Variants in PCDH15 observed in about 807,000 individuals in gnomAD.
PCDH15 encodes protocadherin related 15.
Under a neutral mutation model 178.5 loss-of-function variants are expected in PCDH15, and 129 were observed. The observed-to-expected ratio is 0.72, with a 90% CI of 0.63 to 0.84. PCDH15 has a LOEUF of 0.84. PCDH15 is among the 40% of genes least tolerant of loss of function. The probability of loss-of-function intolerance (pLI) is 0.00; values close to 1 mark genes in which losing one functional copy is unlikely to be tolerated. For synonymous variants in PCDH15, 800 were observed against 732.0 expected (o/e 1.09, Z -1.50); for missense variants, 2,230 against 2,099.9 (o/e 1.06, Z -1.21).
intron 2 of PCDH15, among the ~76,000 whole-genome samples, chr10:55,452,982 A>G (rs1371521791): frequency 1.3e-5 from 2 of 152,330 alleles, no homozygotes; most frequent in East Asian, 3.9e-4. Flanking sequence ...AAGGGCTTTA[A>G]GAATATAAAG....
chr10:54,524,390 C>T (rs2083181038), intron 3 of PCDH15, among the ~76,000 whole-genome samples: 1 of 152,214 alleles, frequency 6.6e-6, no homozygotes, highest in Non-Finnish European at 1.5e-5. Flanking sequence ...TTTTCTCCTT[C>T]TCTTTACGTA....
At position 55,138,426 on chromosome 10, in the gene PCDH15, C is replaced by T. The variant is rs376627824; in HGVS notation, c.-80+28150G>A. Among the ~76,000 whole-genome samples, 4 of 152,048 alleles carry T rather than the reference C, an allele frequency of 2.6e-5. No homozygotes were observed. In the East Asian group the frequency reaches 7.7e-4, roughly 29 times the overall value. ...TTATTTGCAACTCTAATAGAGTATT[C>T]TTGAAGTAATTCCTGTGGCAATCTT... On this transcript the variant is annotated intron_variant, in intron 2 of 5. Coordinates refer to the PCDH15 transcript ENST00000458638.
intron 3 of PCDH15, among the ~76,000 whole-genome samples, chr10:54,457,739 A>C (rs551322712): frequency 6.6e-6 from 1 of 152,316 alleles, no homozygotes; most frequent in African/African-American, 2.4e-5. Context: ...ATAAGCCCAT[A>C]AAATAAAGTA....
chr10:54,296,228 C>T (rs2059777719), intron 8 of PCDH15, among the ~76,000 whole-genome samples: 1 of 150,500 alleles, frequency 6.6e-6, no homozygotes, highest in Non-Finnish European at 1.5e-5. Context: ...GGAAAGGGCT[C>T]TCTTACAACC....
chr10:55,232,971 G>C (rs929166059), intron 1 of PCDH15, among the ~76,000 whole-genome samples: 1 of 152,108 alleles, frequency 6.6e-6, no homozygotes, highest in Non-Finnish European at 1.5e-5. Context: ...AGTAAACTAT[G>C]AGATAGTAAA....
rs146590645 is a variant in PCDH15, at chr10:55,327,697, T to C, written c.-155-161046A>G. Among the ~76,000 whole-genome samples the C allele has an allele frequency of 7.1e-3, 1,082 of 152,242 alleles. 11 individuals carry two copies. Among genetic ancestry groups the C allele is most frequent in the Non-Finnish European group, 7.7e-3 (526 of 67,966 alleles). On this transcript the variant is annotated intron_variant, in intron 2 of 5. Coordinates refer to the PCDH15 transcript ENST00000613346. ...TTTAATAAGTAATTGACTGAAGCATTTGTTTCCAATTTTAATTGCATAAAA... is the reference window on the plus strand; with the variant it reads ...TTTAATAAGTAATTGACTGAAGCATCTGTTTCCAATTTTAATTGCATAAAA...
At chr10:55,215,645 G>T (rs1435556905) in intron 1 of PCDH15, among the ~76,000 whole-genome samples, 1 of 152,008 alleles carries the variant, frequency 6.6e-6, no homozygotes, top group Non-Finnish European at 1.5e-5. Context: ...AGTGTTGTAT[G>T]TATACTACTC....
intron 1 of PCDH15, among the ~76,000 whole-genome samples, chr10:54,670,334 T>C (rs530021759): frequency 2.0e-5 from 3 of 152,086 alleles, no homozygotes; most frequent in Non-Finnish European, 2.9e-5. Context: ...ACACATAAGG[T>C]AAGTCCAAGC....
chr10:54,213,263 A>G (rs2134100380), intron 10 of PCDH15, among the ~76,000 whole-genome samples: 1 of 152,218 alleles, frequency 6.6e-6, no homozygotes, highest in South Asian at 2.1e-4. Context: ...ATTAAATCTC[A>G]CCATCTCAAT....
intron 18 of PCDH15, among the ~76,000 whole-genome samples, chr10:54,024,379 CA>C (rs2093019066): frequency 1.3e-5 from 2 of 152,026 alleles, no homozygotes; most frequent in Non-Finnish European, 2.9e-5. Flanking sequence ...GCCAGGGACA[CA>C]AAAATCACTC....
At chr10:54,004,396 T>TACACAC (rs199816870) in intron 20 of PCDH15, among the ~76,000 whole-genome samples, 2 of 72,844 alleles carry the variant, frequency 2.7e-5, no homozygotes, top group Admixed American at 1.2e-4. Flanking sequence ...ACCTAAAGAC[T>TACACAC]ACACACACAC....
chr10:55,147,661 T>A (rs28413532), intron 2 of PCDH15, among the ~76,000 whole-genome samples: 9 of 142,642 alleles, frequency 6.3e-5, no homozygotes, highest in East Asian at 2.0e-4. Flanking sequence ...CTTTTTTTTT[T>A]AAATTTTATT....
chr10:54,199,964 T>C (rs929562065), intron 10 of PCDH15, among the ~76,000 whole-genome samples: 3 of 152,136 alleles, frequency 2.0e-5, no homozygotes, highest in African/African-American at 7.2e-5. Context: ...TTTGTTACTT[T>C]GGAAGGCAAA....
At chr10:55,045,498 T>G (rs1477968954) in intron 2 of PCDH15, among the ~76,000 whole-genome samples, 1 of 152,120 alleles carries the variant, frequency 6.6e-6, no homozygotes, top group Non-Finnish European at 1.5e-5. Context: ...ACAAGATCTT[T>G]GTGGGTACAC....
intron 8 of PCDH15, among the ~76,000 whole-genome samples, chr10:54,303,834 A>G (rs573293521): frequency 1.3e-5 from 2 of 152,302 alleles, no homozygotes; most frequent in African/African-American, 4.8e-5. Flanking sequence ...CAAGGCTGAT[A>G]AATGCAAACC....
chr10:55,410,157 GT>G (rs2132034151), intron 2 of PCDH15, among the ~76,000 whole-genome samples: 1 of 152,068 alleles, frequency 6.6e-6, no homozygotes, highest in Admixed American at 6.6e-5. Context: ...TTACATAAAT[GT>G]TTGTTTTGCT....
chr10:54,859,412 T>C (rs1398620507), intron 3 of PCDH15, among the ~76,000 whole-genome samples: 2 of 152,084 alleles, frequency 1.3e-5, no homozygotes, highest in African/African-American at 2.4e-5. Context: ...TTACTTCTTA[T>C]AGGACTTCGT....
At chr10:54,475,291 T>G (rs1382644979) in intron 3 of PCDH15, among the ~76,000 whole-genome samples, 1 of 151,974 alleles carries the variant, frequency 6.6e-6, no homozygotes, top group Non-Finnish European at 1.5e-5. Context: ...CAACGTTTAT[T>G]TTACTTGAAA....
intron 2 of PCDH15, among the ~76,000 whole-genome samples, chr10:54,940,523 G>T (rs1231085945): frequency 6.6e-6 from 1 of 152,078 alleles, no homozygotes; most frequent in Non-Finnish European, 1.5e-5. Context: ...TTATTCTGTA[G>T]GTCTCTCTTA....
Sources: allele counts gnomAD v4.1 joint callset (sites outside exome capture counted in the v4.1 genomes callset), GRCh38; gene constraint gnomAD v4.1.1; transcripts MANE v1.5; gene names NCBI Gene and HGNC (gene_info 2026-07-23, HGNC 2026-07-21).